Variants in EXOC1 observed in about 807,000 individuals in gnomAD.
EXOC1 encodes the protein exocyst complex component 1, also known as SEC3-like 1.
EXOC1 carries 67 observed loss-of-function variants against 107.7 expected under a neutral mutation model. The observed-to-expected ratio is 0.62, with a 90% CI of 0.51 to 0.76. The LOEUF (loss-of-function observed/expected upper bound fraction) is 0.76, where lower values mean the gene tolerates loss of function less well. Among genes scored for constraint, EXOC1 ranks in the 30% least tolerant of loss-of-function variants. The pLI is 0.00. For missense variants in EXOC1, 833 were observed against 1,055.7 expected (o/e 0.79, Z 2.92); for synonymous variants, 348 against 353.5 (o/e 0.98, Z 0.17).
intron 17 of EXOC1, chr4:55,902,021 T>G (rs1429023458): frequency 1.2e-5 from 2 of 165,766 alleles, no homozygotes; most frequent in African/African-American, 4.8e-5. Flanking sequence ...GAGGAATGAA[T>G]AATAATTGTG....
intron 4 of EXOC1, 78 bp from the exon 5 acceptor site, chr4:55,868,258 T>G (rs1722129637): frequency 3.2e-6 from 4 of 1,236,740 alleles, no homozygotes; most frequent in Non-Finnish European, 4.4e-6. Context: ...TGCTTATAAC[T>G]ATACCTACCT....
At chr4:55,890,530 GGA>G in intron 12 of EXOC1, 144 bp downstream of exon 12, 1 of 361,228 alleles carries the variant, frequency 2.8e-6, no homozygotes, top group Non-Finnish European at 4.7e-6. Flanking sequence ...ATCGAATCTG[GGA>G]AAAAAAAAAA....
rs1031050876 is a variant in EXOC1, at chr4:55,868,428, G to C, written c.508G>C (p.Asp170His). 1.2e-6 allele frequency: 2 copies of C among 1,613,676 alleles called. No individual in the cohort carries two copies. The highest frequency in any genetic ancestry group is 4.5e-5 in the East Asian group (2 of 44,866). The change falls in exon 5 of 19, where the codon GAT becomes CAT. Residue 170 changes from aspartate to histidine, a missense_variant. Around this residue, in one of 2 missense-constraint regions of EXOC1, gnomAD observed 617 missense variants for 701.3 expected, o/e 0.88. Transcript: ENST00000381295. ...YQELNAREEQ[D>H]IEIMMEGCEY... ...AGAGTTAAATGCAAGAGAAGAACAG[G>C]ATATCGAAATAATGATGGAAGGCTG...
chr4:55,891,932 A>G (rs1256153854), intron 13 of EXOC1, among the ~76,000 whole-genome samples: 1 of 152,212 alleles, frequency 6.6e-6, no homozygotes, highest in Non-Finnish European at 1.5e-5. Context: ...TCTGTAAAGT[A>G]GATATCATAG....
chr4:55,883,891 CA>C lies in EXOC1; in HGVS notation c.1295del (p.Lys432ArgfsTer2). 6.2e-7 allele frequency: 1 copy of C among 1,607,348 alleles called. No homozygotes were observed. Among genetic ancestry groups the C allele is most frequent in the South Asian group, 1.1e-5 (1 of 89,330 alleles). On this transcript the variant is annotated frameshift_variant, in exon 10 of 19. Coordinates refer to ENST00000381295, the MANE Select transcript of EXOC1 (RefSeq NM_001024924.2). LOFTEE classifies it high-confidence loss of function. ...AAGATTTCTTTGAAGTTGCAAAGAT[CA>C]AGATGACTGGCACAACTAAAGAAAG... ...IKDFFEVAKI[K>X]MTGTTKESKK...
chr4:55,858,719 TG>T (rs1363080801), intron 2 of EXOC1, among the ~76,000 whole-genome samples: 1 of 152,212 alleles, frequency 6.6e-6, no homozygotes, highest in Non-Finnish European at 1.5e-5. Context: ...CATTCTGTTG[TG>T]TATGAAATTT....
intron 9 of EXOC1, 134 bp downstream of exon 9, chr4:55,878,200 TTAC>T: frequency 1.0e-6 from 1 of 969,084 alleles, no homozygotes; most frequent in South Asian, 1.9e-5. Flanking sequence ...TCAGTGCTCT[TTAC>T]CAGTGATAAC....
chr4:55,900,972 A>G lies in EXOC1; in HGVS notation c.2337+1088A>G, dbSNP rs151329997. Among the ~76,000 whole-genome samples, 64 of 152,372 alleles carry G rather than the reference A, an allele frequency of 4.2e-4. No homozygotes were observed. The East Asian group carries it at 0.01, about 24-fold the overall frequency. On this transcript the variant is annotated intron_variant, in intron 17 of 18. Transcript: ENST00000381295. ...ATCAAATGCAGAACTAATTCCTTAT[A>G]AAACTTAAGAACAGACAAATATTCC... is the stretch of plus-strand genomic sequence containing the variant.
intron 18 of EXOC1, 36 bp from the exon 19 acceptor site, chr4:55,904,307 C>A (rs778448551): frequency 3.4e-5 from 53 of 1,545,088 alleles, no homozygotes; most frequent in Non-Finnish European, 4.6e-5. Context: ...ATATTATTTC[C>A]ATTCATAGCC....
At chr4:55,902,276 C>T in intron 17 of EXOC1, 68 bp from the exon 18 acceptor site, 2 of 1,232,322 alleles carry the variant, frequency 1.6e-6, no homozygotes, top group Non-Finnish European at 2.1e-6. Context: ...ACTTTGTAAT[C>T]AGATTTTTTT....
rs1198148866 is a variant in EXOC1 at position 55,853,671 on chromosome 4, A to G, written c.-293A>G. The G allele has an allele frequency of 6.6e-6, 1 of 152,222 alleles. No homozygotes were observed. Among genetic ancestry groups the G allele is most frequent in the African/African-American group, 2.4e-5 (1 of 41,436 alleles). 9.4% of individuals were successfully genotyped at this position (152,222 alleles called of 1,614,324 possible). On this transcript the variant is annotated 5_prime_UTR_variant, in exon 1 of 19. The change creates a new upstream start codon in the 5' untranslated region. Coordinates refer to ENST00000381295, the MANE Select transcript of EXOC1 (RefSeq NM_001024924.2). ...CGGAGTTTGTCACGTGCCCGGATAT[A>G]GGAAGTGTTGGGGGAACGGCCGCTT...
intron 1 of EXOC1, among the ~76,000 whole-genome samples, chr4:55,855,293 A>AGG (rs1720858458): frequency 6.6e-6 from 1 of 152,210 alleles, no homozygotes; most frequent in Non-Finnish European, 1.5e-5. Flanking sequence ...GTGCGAAAAG[A>AGG]AAGGAATAAA....
chr4:55,896,969 G>T, intron 16 of EXOC1, 69 bp downstream of exon 16: 1 of 1,241,600 alleles, frequency 8.1e-7, no homozygotes, highest in Non-Finnish European at 1.1e-6. Flanking sequence ...TAAGAAATCG[G>T]GAGCAGATAG....
chr4:55,877,423 A>G lies in EXOC1; in HGVS notation c.1075-494A>G. On this transcript the variant is annotated intron_variant, in intron 8 of 18. Coordinates refer to ENST00000381295, the MANE Select transcript of EXOC1 (RefSeq NM_001024924.2). ...CCAAGACAGAAGTAAGACTCAGATG[A>G]CCAAGGTTCCAATTCCAAGCTCTAA... 9 of 985,370 alleles carry G rather than the reference A, an allele frequency of 9.1e-6. 1 individual carries two copies. The highest frequency in any genetic ancestry group is 1.1e-5 in the Non-Finnish European group (9 of 829,882). The allele number at this position is 985,370 out of a possible 1,614,324, so 61.0% of individuals were successfully genotyped here. A position where few individuals can be genotyped will look rare whatever the true frequency, so the allele number is the denominator to read the frequency against.
chr4:55,901,117 T>G (rs1224113121), intron 17 of EXOC1, among the ~76,000 whole-genome samples: 2 of 152,182 alleles, frequency 1.3e-5, no homozygotes, highest in African/African-American at 2.4e-5. Context: ...CTTTATTATT[T>G]AGCATTGTTG....
At chr4:55,885,229 G>A (rs1723758679) in intron 10 of EXOC1, among the ~76,000 whole-genome samples, 1 of 151,996 alleles carries the variant, frequency 6.6e-6, no homozygotes, top group Admixed American at 6.6e-5. Flanking sequence ...AACTCCTTCA[G>A]TATATGAAAA....
intron 14 of EXOC1, 55 bp downstream of exon 14, chr4:55,892,766 G>T: frequency 1.3e-6 from 2 of 1,553,096 alleles, no homozygotes; most frequent in South Asian, 1.1e-5. Context: ...TTTAAAATGT[G>T]GAGTGCTGCT....
Position 55,871,122 on chromosome 4 carries a change from G to T in EXOC1, c.853G>T (p.Gly285Cys). Residue 285 changes from glycine to cysteine, a missense_variant, in exon 7 of 19, where the codon GGT (glycine) becomes TGT (cysteine). By Grantham distance (159) the Gly-to-Cys change is radical. Transcript: ENST00000381295. ...CTAGAACCACATGGACTTGGCCAAA[G>T]GTCATATAAAGGCCCTTCAGGAAGG... Reference protein sequence around the residue: ...FLVNHMDLAKGHIKALQEGDL... With the variant: ...FLVNHMDLAKCHIKALQEGDL... 1 of 1,613,876 alleles carries T rather than the reference G, an allele frequency of 6.2e-7. No homozygotes were observed. Among genetic ancestry groups the T allele is most frequent in the Non-Finnish European group, 8.5e-7 (1 of 1,179,884 alleles).
intron 3 of EXOC1, among the ~76,000 whole-genome samples, chr4:55,862,885 A>T (rs114194015): frequency 6.6e-6 from 1 of 152,000 alleles, no homozygotes; most frequent in Non-Finnish European, 1.5e-5. Flanking sequence ...TACATCCATA[A>T]GTTTGTTTGT....
Sources: allele counts gnomAD v4.1 joint callset (sites outside exome capture counted in the v4.1 genomes callset), GRCh38; gene constraint gnomAD v4.1.1; regional missense constraint gnomAD v4.1.1; transcripts MANE v1.5; gene names NCBI Gene and HGNC (gene_info 2026-07-23, HGNC 2026-07-21).